The following PSG11 variants were observed in gnomAD, a reference collection of about 807,000 sequenced individuals.
PSG11 encodes the protein pregnancy specific beta-1-glycoprotein 11.
In PSG11, 42 loss-of-function variants were observed where a neutral mutation model predicts 36.0. That is an observed-to-expected ratio of 1.17 (90% confidence interval 0.91 to 1.51). The LOEUF is 1.51. PSG11 is among the 40% of genes most tolerant of loss of function. The pLI is 0.00. For missense variants in PSG11, 558 were observed against 403.5 expected (o/e 1.38, Z -3.28); for synonymous variants, 206 against 153.5 (o/e 1.34, Z -2.53).
rs748807780 is a variant in PSG11 at position 43,016,083 on chromosome 19, A to G, written c.710-713T>C. 4 of 1,577,086 alleles carry G rather than the reference A, an allele frequency of 2.5e-6. No homozygotes were observed. In the South Asian group the frequency reaches 4.7e-5, roughly 19 times the overall value. ...CAGAGAGAAGATTGTCCTGTGTGGC[A>G]CCTTTGATTCCTCCACAGGCATCCT... On this transcript the variant is annotated intron_variant, in intron 3 of 5. Transcript: ENST00000320078.
chr19:43,016,002 G>A (rs779176474), intron 3 of PSG11: 2 of 1,610,240 alleles, frequency 1.2e-6, no homozygotes, highest in Non-Finnish European at 1.7e-6. Context: ...TATTCTCCCT[G>A]GGGTTTAAGT....
chr19:43,012,053 A>T lies in PSG11; in HGVS notation c.965-2012T>A, dbSNP rs973107680. On this transcript the variant is annotated intron_variant, in intron 4 of 5. Transcript: ENST00000320078. ...CTAGAAACACACAAAAATATGAATA[A>T]AACTATAATCAGTAACAAGATTCAA... is the stretch of plus-strand genomic sequence containing the variant. Among the ~76,000 whole-genome samples the T allele has an allele frequency of 1.1e-3, 166 of 151,620 alleles. 6 individuals carry two copies. Among genetic ancestry groups the T allele is most frequent in the African/African-American group, 4.0e-3 (163 of 41,214 alleles).
intron 2 of PSG11, among the ~76,000 whole-genome samples, chr19:43,022,315 G>A (rs1174590904): frequency 6.6e-6 from 1 of 151,326 alleles, no homozygotes; most frequent in African/African-American, 2.4e-5. Flanking sequence ...GCAACCAGCT[G>A]ACCTCATCCA....
intron 4 of PSG11, among the ~76,000 whole-genome samples, chr19:43,010,942 A>T (rs1036483638): frequency 1.3e-5 from 2 of 149,466 alleles, no homozygotes; most frequent in African/African-American, 5.0e-5. Context: ...GTTGAGGGGC[A>T]CTTCCTATGT....
chr19:43,022,188 G>C (rs867007928), intron 2 of PSG11, among the ~76,000 whole-genome samples: 4 of 151,502 alleles, frequency 2.6e-5, no homozygotes, highest in African/African-American at 9.7e-5. Context: ...CCTGACTGCT[G>C]CAATGTCATT....
intron 3 of PSG11, among the ~76,000 whole-genome samples, chr19:43,016,418 C>A (rs1387977845): frequency 2.0e-5 from 3 of 151,210 alleles, no homozygotes; most frequent in African/African-American, 4.9e-5. Flanking sequence ...CTTCCAAATT[C>A]CATCCTACTT....
intron 3 of PSG11, 172 bp downstream of exon 3, chr19:43,018,598 G>C: frequency 6.9e-7 from 1 of 1,458,860 alleles, no homozygotes; most frequent in South Asian, 1.2e-5. Flanking sequence ...CTCCCACTGT[G>C]GATCAAGCCT....
chr19:43,015,866 G>A (rs774020090), intron 3 of PSG11: 1 of 1,609,960 alleles, frequency 6.2e-7, no homozygotes, highest in Admixed American at 1.7e-5. Flanking sequence ...ACACTGGGTA[G>A]AATGAGGATC....
chr19:43,015,870 G>C lies in PSG11; in HGVS notation c.710-500C>G, dbSNP rs150206316. On this transcript the variant is annotated intron_variant, in intron 3 of 5. Transcript: ENST00000320078. ...CATTTCTCGTGACACTGGGTAGAATGAGGATCCTGTTTTCAATGGGTCGCT... is the reference window on the plus strand; with the variant it reads ...CATTTCTCGTGACACTGGGTAGAATCAGGATCCTGTTTTCAATGGGTCGCT... 4,928 of 1,610,064 alleles carry C rather than the reference G, an allele frequency of 3.1e-3. 275 individuals are homozygous for C. The African/African-American group carries it at 0.049, about 16-fold the overall frequency.
chr19:43,020,422 A>T lies in PSG11; in HGVS notation c.431-1374T>A, dbSNP rs73557633. 1.0e-3 allele frequency among the ~76,000 whole-genome samples: 158 copies of T among 151,350 alleles called. 6 individuals carry two copies. The highest frequency in any genetic ancestry group is 3.8e-3 in the African/African-American group (154 of 41,054). ...TGGATTTCTGGATTTGGGATGCTCC[A>T]TATTTAATACTGTAATTATCCCATA... is the stretch of plus-strand genomic sequence containing the variant. On this transcript the variant is annotated intron_variant, in intron 2 of 5. Coordinates refer to ENST00000320078, the MANE Select transcript of PSG11 (RefSeq NM_002785.3).
chr19:43,018,773 G>A lies in PSG11; in HGVS notation c.706C>T (p.Leu236Phe). 3.1e-6 allele frequency: 5 copies of A among 1,612,006 alleles called. 1 individual carries two copies. The highest frequency in any genetic ancestry group is 1.3e-5 in the African/African-American group (1 of 74,456). Residue 236 changes from leucine (L) to phenylalanine (F), a missense_variant, in exon 3 of 6, where the codon CTC becomes TTC. Transcript: ENST00000320078. Reference protein sequence around the residue: ...SRSDPVTLNLLHGPDLPRIFP... With the variant: ...SRSDPVTLNLFHGPDLPRIFP... ...CAGAGGAACAGAAGATACTCACGGA[G>A]GAGATTCAGGGTGACTGGGTCACTG...
chr19:43,018,591 C>T (rs1967023563), intron 3 of PSG11, 179 bp downstream of exon 3: 3 of 1,426,392 alleles, frequency 2.1e-6, no homozygotes, highest in African/African-American at 2.9e-5. Context: ...CTCTTTTCTC[C>T]CACTGTGGAT....
intron 2 of PSG11, 158 bp downstream of exon 2, chr19:43,024,533 G>T (rs1026133147): frequency 2.6e-5 from 36 of 1,390,492 alleles, no homozygotes; most frequent in Non-Finnish European, 3.4e-5. Context: ...GTTGAAATTT[G>T]TCTCCTCTGT....
At chr19:43,020,204 G>C (rs1967069775) in intron 2 of PSG11, among the ~76,000 whole-genome samples, 1 of 151,332 alleles carries the variant, frequency 6.6e-6, no homozygotes, top group South Asian at 2.1e-4. Context: ...CAGATAAAGT[G>C]CTTCTTATGC....
intron 4 of PSG11, chr19:43,010,316 C>G: frequency 6.6e-7 from 1 of 1,505,832 alleles, no homozygotes. Context: ...TTGCTATTTT[C>G]TATGTCATTG....
At chr19:43,024,432 T>G (rs1302928279) in intron 2 of PSG11, 1 of 577,434 alleles carries the variant, frequency 1.7e-6, no homozygotes, top group African/African-American at 1.9e-5. Flanking sequence ...TGGCTGAGAC[T>G]GATCTCCTCC....
At position 43,024,612 on chromosome 19, in the gene PSG11, C is replaced by T. The variant is rs1967190099; in HGVS notation, c.430+79G>A. On this transcript the variant is annotated intron_variant, in intron 2 of 5. Coordinates refer to ENST00000320078, the MANE Select transcript of PSG11 (RefSeq NM_002785.3). ...TGCAGAGAGGGACACAGGCAATGTC[C>T]AGGCCTGACAATCCTGTGTGTGTGA... 9.3e-6 allele frequency: 15 copies of T among 1,604,842 alleles called. No individual in the cohort carries two copies. In the Admixed American group the frequency reaches 1.2e-4, roughly 13 times the overall value.
In PSG11 at chr19:43,024,277, C is replaced by T. The variant is rs182224905; in HGVS notation, c.430+414G>A. On this transcript the variant is annotated intron_variant, in intron 2 of 5. Coordinates refer to ENST00000320078, the MANE Select transcript of PSG11 (RefSeq NM_002785.3). ...ACAGGCTCCTCAGCTTTATCTGGAA[C>T]AAGGATTTAGGTACAGAGTTCTGGG... 2.0e-5 allele frequency among the ~76,000 whole-genome samples: 3 copies of T among 151,282 alleles called. 1 individual carries two copies. The highest frequency in any genetic ancestry group is 4.9e-5 in the African/African-American group (2 of 40,960).
chr19:43,021,924 G>A (rs1298194838), intron 2 of PSG11, among the ~76,000 whole-genome samples: 1 of 151,426 alleles, frequency 6.6e-6, no homozygotes, highest in Non-Finnish European at 1.5e-5. Flanking sequence ...CAGCAAACTA[G>A]CATGGCTGAC....
Sources: allele counts gnomAD v4.1 joint callset (sites outside exome capture counted in the v4.1 genomes callset), GRCh38; gene constraint gnomAD v4.1.1; transcripts MANE v1.5; gene names NCBI Gene and HGNC (gene_info 2026-07-23, HGNC 2026-07-21).